The following FAM98C variants were observed in gnomAD, a reference collection of about 807,000 sequenced individuals.
FAM98C encodes the protein protein FAM98C.
Under a neutral mutation model 41.1 loss-of-function variants are expected in FAM98C, and 38 were observed. The ratio of observed to expected loss-of-function variants is 0.92; its 90% confidence interval spans 0.71 to 1.21. The LOEUF (loss-of-function observed/expected upper bound fraction) is 1.21, where lower values mean the gene tolerates loss of function less well. FAM98C is among the 50% of genes most tolerant of loss of function. The probability of loss-of-function intolerance (pLI) is 0.00; values close to 1 mark genes in which losing one functional copy is unlikely to be tolerated. For synonymous variants in FAM98C, 195 were observed against 216.7 expected (o/e 0.90, Z 0.88); for missense variants, 493 against 484.7 (o/e 1.02, Z -0.16).
chr19:38,405,292 G>A (rs1971022952), intron 4 of FAM98C, 52 bp from the exon 5 acceptor site: 1 of 1,588,726 alleles, frequency 6.3e-7, no homozygotes, highest in Non-Finnish European at 8.6e-7. Context: ...TGAGTTTACA[G>A]AGGGGCCCAT....
In FAM98C at chr19:38,406,943, C is replaced by G; in HGVS notation, c.784C>G (p.Pro262Ala). ...AGAGGCCATGAGGGCAGTGCTGATCCCAATTCGAGAGGTTCTGACCCCAGA... is the reference window on the plus strand; with the variant it reads ...AGAGGCCATGAGGGCAGTGCTGATCGCAATTCGAGAGGTTCTGACCCCAGA... ...QGEAMRAVLIPIREVLTPESD... is the reference protein window; with the variant it reads ...QGEAMRAVLIAIREVLTPESD... The change falls in exon 7 of 8, where the codon CCA (proline) becomes GCA (alanine). Residue 262 changes from proline to alanine, a missense_variant. By Grantham distance (27) the Pro-to-Ala change is conservative. Coordinates refer to ENST00000252530, the MANE Select transcript of FAM98C (RefSeq NM_174905.4). 1 of 1,614,148 alleles carries G rather than the reference C, an allele frequency of 6.2e-7. No homozygotes were observed. Among genetic ancestry groups the G allele is most frequent in the Non-Finnish European group, 8.5e-7 (1 of 1,180,026 alleles).
chr19:38,408,618 CT>C, intron 7 of FAM98C, 132 bp from the exon 8 acceptor site: 1 of 1,166,768 alleles, frequency 8.6e-7, no homozygotes, highest in South Asian at 1.3e-5. Flanking sequence ...TCAGTCCCCC[CT>C]CCCCCAGCCA....
chr19:38,405,578 C>T lies in FAM98C; in HGVS notation c.693C>T (p.Leu231=). 6.2e-7 allele frequency: 1 copy of T among 1,613,302 alleles called. No individual in the cohort carries two copies. The highest frequency in any genetic ancestry group is 8.5e-7 in the Non-Finnish European group (1 of 1,180,038). The change falls in exon 6 of 8, where the codon CTC becomes CTT. Residue 231 remains leucine, a synonymous_variant. Coordinates refer to ENST00000252530, the MANE Select transcript of FAM98C (RefSeq NM_174905.4). ...ATCAGTACCGCTGCCGCCGCTGCCT[C>T]CTCCTCAAGCGCCTTGACCTCACTA... ...LRDQYRCRRC[L]LLKRLDLTTS...
chr19:38,405,384 A>G lies in FAM98C; in HGVS notation c.596A>G (p.Gln199Arg), dbSNP rs778788736. 4.3e-6 allele frequency: 7 copies of G among 1,614,092 alleles called. No homozygotes were observed. Among genetic ancestry groups the G allele is most frequent in the Non-Finnish European group, 5.9e-6 (7 of 1,180,008 alleles). The stretch of plus-strand genomic sequence containing the variant: ...CCTTCTCTGCCCCCAGGGTCCCTGC[A>G]GCCCCTCCTCAGCTGCTCGCTAGAT... ...LQPSLPPGSL[Q>R]PLLSCSLDAP... The change falls in exon 5 of 8, where the codon CAG (glutamine) becomes CGG (arginine). Residue 199 changes from glutamine to arginine, a missense_variant. Coordinates refer to ENST00000252530, the MANE Select transcript of FAM98C (RefSeq NM_174905.4).
chr19:38,403,640 G>C lies in FAM98C; in HGVS notation c.295G>C (p.Gly99Arg), dbSNP rs780308185. The C allele has an allele frequency of 8.5e-6, 12 of 1,415,496 alleles. No homozygotes were observed. The South Asian group carries it at 1.8e-4, about 21-fold the overall frequency. The allele number at this position is 1,415,496 out of a possible 1,614,324, so 87.7% of individuals were successfully genotyped here. The change falls in exon 3 of 8, where the codon GGC (glycine) becomes CGC (arginine). Residue 99 changes from glycine (G) to arginine (R), a missense_variant. Gly to Arg is a moderately radical substitution (Grantham distance 125). Transcript: ENST00000252530. ...GCACTGCCCGGATCGCGCGCTCTGC[G>C]GCGGGGATGGCGCGGCTGCGCTTCG... ...ELHCPDRALC[G>R]GDGAAALREP... is the part of the protein sequence containing the mutation.
At chr19:38,403,524 C>G in intron 2 of FAM98C, 36 bp from the exon 3 acceptor site, 7 of 1,436,950 alleles carry the variant, frequency 4.9e-6, no homozygotes, top group Non-Finnish European at 6.3e-6. Context: ...GGGGCCGCCA[C>G]GGGGCCACCG....
In FAM98C at chr19:38,405,557, G is replaced by T. The variant is rs956117880; in HGVS notation, c.672G>T (p.Gln224His). 16 of 1,614,044 alleles carry T rather than the reference G, an allele frequency of 9.9e-6. No individual in the cohort carries two copies. Among genetic ancestry groups the T allele is most frequent in the Non-Finnish European group, 1.3e-5 (15 of 1,180,044 alleles). The change falls in exon 6 of 8, where the codon CAG becomes CAT. Residue 224 changes from glutamine (Q) to histidine (H), a missense_variant. Physicochemically the swap from Gln to His is conservative, Grantham distance 24. Transcript: ENST00000252530. ...LESLSQSLRD[Q>H]YRCRRCLLLK... The stretch of plus-strand genomic sequence containing the variant: ...CTCTGTCCCAAAGCCTCAGAGATCA[G>T]TACCGCTGCCGCCGCTGCCTCCTCC...
Position 38,406,915 on chromosome 19 carries a change from A to AG in FAM98C, c.758dup (p.Glu254ArgfsTer68). On this transcript the variant is annotated frameshift_variant, in exon 7 of 8. Transcript: ENST00000252530. LOFTEE classifies it high-confidence loss of function. ...TTACCTCCTCCCCACTCCAGGCCCA[A>AG]GGAGAGGCCATGAGGGCAGTGCTGA... is the stretch of plus-strand genomic sequence containing the variant. The AG allele has an allele frequency of 1.9e-6, 3 of 1,613,992 alleles. No homozygotes were observed. The highest frequency in any genetic ancestry group is 2.5e-6 in the Non-Finnish European group (3 of 1,179,866).
At chr19:38,406,661 G>C in intron 6 of FAM98C, 1 of 416,544 alleles carries the variant, frequency 2.4e-6, no homozygotes. Flanking sequence ...GCGCATGCTT[G>C]TCCATCTCAG....
rs1308503861 is a variant in FAM98C, at chr19:38,408,828, AAG to A, written c.1001_1002del (p.Glu334GlyfsTer29). ...CTCCCATGCCCACCTGGAGGAGCCG[AAG>A]AGAGGATGGAGGCCCCCAGTGTTGG... Reference protein sequence around the residue: ...EPPMPTWRSRREDGGPQCWGR... With the variant: ...EPPMPTWRSRXEDGGPQCWGR... On this transcript the variant is annotated frameshift_variant, in exon 8 of 8. Coordinates refer to ENST00000252530, the MANE Select transcript of FAM98C (RefSeq NM_174905.4). LOFTEE classifies it high-confidence loss of function. The A allele has an allele frequency of 8.7e-6, 14 of 1,610,130 alleles. 1 individual carries two copies. In the Middle Eastern group the frequency reaches 5.0e-4, roughly 57 times the overall value.
intron 3 of FAM98C, among the ~76,000 whole-genome samples, chr19:38,404,253 C>G (rs1372569711): frequency 6.6e-6 from 1 of 151,944 alleles, no homozygotes; most frequent in Non-Finnish European, 1.5e-5. Context: ...AGGAGGAAGG[C>G]TTGAGGTTTC....
Position 38,403,833 on chromosome 19 carries a change from G to A in FAM98C, c.349+139G>A, listed in dbSNP as rs531318446. The stretch of plus-strand genomic sequence containing the variant: ...AGAGGGTACGAGGTGGGTGGGGTGA[G>A]CATGTTGGGGCAAGCAGAGCGCTCT... On this transcript the variant is annotated intron_variant, in intron 3 of 7. Transcript: ENST00000252530. The A allele has an allele frequency of 2.6e-4, 251 of 968,128 alleles. 1 individual carries two copies. The African/African-American group carries it at 4.0e-3, about 15-fold the overall frequency. The allele number at this position is 968,128 out of a possible 1,614,324, so 60.0% of individuals were successfully genotyped here. A position where few individuals can be genotyped will look rare whatever the true frequency, so the allele number is the denominator to read the frequency against.
intron 6 of FAM98C, 31 bp downstream of exon 6, chr19:38,405,666 G>T (rs376752317): frequency 1.0e-5 from 16 of 1,606,692 alleles, no homozygotes; most frequent in Non-Finnish European, 1.3e-5. Flanking sequence ...TGCAGAATTG[G>T]AGAGGCCCAG....
Position 38,403,487 on chromosome 19 carries a change from G to A in FAM98C, c.214+1G>A. 2.1e-6 allele frequency: 3 copies of A among 1,408,754 alleles called. No homozygotes were observed. Among genetic ancestry groups the A allele is most frequent in the Non-Finnish European group, 2.7e-6 (3 of 1,091,886 alleles). 87.3% of individuals were successfully genotyped at this position (1,408,754 alleles called of 1,614,324 possible). On this transcript the variant is annotated splice_donor_variant, in intron 2 of 7. Transcript: ENST00000252530. LOFTEE classifies it high-confidence loss of function. Reference sequence around the variant, plus strand: ...GCGGAGGTGCTGAGCGCCGGCGACGGTAAACACGGAGCGGGAGGGTGGCAG... The same window carrying A: ...GCGGAGGTGCTGAGCGCCGGCGACGATAAACACGGAGCGGGAGGGTGGCAG...
chr19:38,407,098 A>G, intron 7 of FAM98C, 21 bp downstream of exon 7: 1 of 1,609,268 alleles, frequency 6.2e-7, no homozygotes, highest in Non-Finnish European at 8.5e-7. Context: ...GGGGTAGGGA[A>G]GGGCCCTGGC....
At position 38,405,344 on chromosome 19, in the gene FAM98C, ATC is replaced by A. The variant is rs1971023728; in HGVS notation, c.559_560del (p.Ser187ArgfsTer50). ...SQLLQELHAK[I>X]SELQPSLPPG... is the part of the protein sequence containing the mutation. The stretch of plus-strand genomic sequence containing the variant: ...GGCCTCTGACTTCTTCTCCCATCAG[ATC>A]TCAGAGCTGCAGCCTTCTCTGCCCC... On this transcript the variant is annotated frameshift_variant and splice_region_variant, in exon 5 of 8. Transcript: ENST00000252530. LOFTEE classifies it high-confidence loss of function. The A allele has an allele frequency of 6.2e-7, 1 of 1,613,536 alleles. No homozygotes were observed. Among genetic ancestry groups the A allele is most frequent in the South Asian group, 1.1e-5 (1 of 91,036 alleles).
chr19:38,406,474 T>C lies in FAM98C; in HGVS notation c.751-436T>C, dbSNP rs147359424. ...ACCACGCCTGGCCAAGTGTACCCCA[T>C]CTTTAAGAGATACGAGCAGAGTCAG... On this transcript the variant is annotated intron_variant, in intron 6 of 7. Coordinates refer to ENST00000252530, the MANE Select transcript of FAM98C (RefSeq NM_174905.4). The C allele has an allele frequency of 5.9e-3, 929 of 157,424 alleles. 6 individuals are homozygous for C. The highest frequency in any genetic ancestry group is 0.02 in the African/African-American group (853 of 41,616). 9.8% of individuals were successfully genotyped at this position (157,424 alleles called of 1,614,324 possible). A position where few individuals can be genotyped will look rare whatever the true frequency, so the allele number is the denominator to read the frequency against.
In FAM98C at chr19:38,409,074, A is replaced by C; in HGVS notation, c.*192A>C. 1.9e-6 allele frequency: 1 copy of C among 522,568 alleles called. No homozygotes were observed. The highest frequency in any genetic ancestry group is 3.9e-5 in the Admixed American group (1 of 25,440). The allele number at this position is 522,568 out of a possible 1,614,324, so 32.4% of individuals were successfully genotyped here. ...ACCATGTTCTCCAGAGAATAAATTTAATTTATGACAGCTGTAGGACCTCTC... is the reference window on the plus strand; with the variant it reads ...ACCATGTTCTCCAGAGAATAAATTTCATTTATGACAGCTGTAGGACCTCTC... On this transcript the variant is annotated 3_prime_UTR_variant, in exon 8 of 8. Transcript: ENST00000252530.
At chr19:38,406,879 G>C in intron 6 of FAM98C, 31 bp from the exon 7 acceptor site, 1 of 1,602,688 alleles carries the variant, frequency 6.2e-7, no homozygotes. Context: ...AGGGCTCCAG[G>C]GTACCTTCTC....
Sources: allele counts gnomAD v4.1 joint callset (sites outside exome capture counted in the v4.1 genomes callset), GRCh38; gene constraint gnomAD v4.1.1; transcripts MANE v1.5; gene names NCBI Gene and HGNC (gene_info 2026-07-23, HGNC 2026-07-21).